The following CPEB2 variants were observed in gnomAD, a reference collection of about 807,000 sequenced individuals.
The protein encoded by CPEB2 is cytoplasmic polyadenylation element binding protein 2.
A neutral mutation model predicts 93.6 loss-of-function variants in CPEB2; 56 were observed. The observed-to-expected ratio is 0.60, with a 90% CI of 0.48 to 0.75. The LOEUF (loss-of-function observed/expected upper bound fraction) is 0.75. CPEB2 is among the 30% of genes least tolerant of loss of function. The pLI, the probability that CPEB2 is intolerant of heterozygous loss-of-function variation, is 0.00. For missense variants in CPEB2, 1,579 were observed against 1,395.1 expected, an observed-to-expected ratio of 1.13 and a Z score of -2.10; for synonymous variants, 764 against 586.3, an observed-to-expected ratio of 1.30 and a Z score of -4.38.
At chr4:15,011,399 C>T (rs1032910163) in intron 3 of CPEB2, among the ~76,000 whole-genome samples, 2 of 152,132 alleles carry the variant, frequency 1.3e-5, no homozygotes, top group African/African-American at 4.8e-5. Context: ...CATGCCTGGC[C>T]AGTATATCTA....
intron 7 of CPEB2, among the ~76,000 whole-genome samples, chr4:15,052,940 C>G (rs1222902361): frequency 6.6e-6 from 1 of 151,824 alleles, no homozygotes; most frequent in African/African-American, 2.4e-5. Flanking sequence ...CACACATACA[C>G]TGAAATAAAT....
In CPEB2 at chr4:15,002,985, G is replaced by T; in HGVS notation, c.312G>T (p.Gln104His). ...QDELLLGLTQ[Q>H]PARPLSGAAA... Reference sequence around the variant, plus strand: ...AGCTGCTTCTGGGGCTGACACAGCAGCCGGCGCGGCCGCTTTCGGGGGCGG... The same window carrying T: ...AGCTGCTTCTGGGGCTGACACAGCATCCGGCGCGGCCGCTTTCGGGGGCGG... Residue 104 changes from glutamine (Q) to histidine (H), a missense_variant, in exon 1 of 12, where the codon CAG becomes CAT. Physicochemically the swap from Gln to His is conservative, Grantham distance 24 (BLOSUM62 0). Coordinates refer to ENST00000538197, the MANE Select transcript of CPEB2 (RefSeq NM_001177382.2). The T allele has an allele frequency of 6.7e-7, 1 of 1,501,734 alleles. No individual in the cohort carries two copies. The highest frequency in any genetic ancestry group is 1.2e-5 in the South Asian group (1 of 80,042). The allele number at this position is 1,501,734 out of a possible 1,614,324, so 93.0% of individuals were successfully genotyped here.
At chr4:15,007,662 G>T in intron 2 of CPEB2, 76 bp downstream of exon 2, 1 of 930,360 alleles carries the variant, frequency 1.1e-6, no homozygotes, top group Non-Finnish European at 1.5e-6. Context: ...GGTGGTAGTG[G>T]TATGCTAAAA....
chr4:15,053,316 A>G (rs1334229549), intron 7 of CPEB2, among the ~76,000 whole-genome samples: 5 of 152,146 alleles, frequency 3.3e-5, no homozygotes, highest in African/African-American at 1.2e-4. Context: ...ATACCCGGCC[A>G]AAAGTTTAAT....
At chr4:15,030,370 T>G (rs924331902) in intron 4 of CPEB2, among the ~76,000 whole-genome samples, 3 of 152,062 alleles carry the variant, frequency 2.0e-5, no homozygotes, top group African/African-American at 7.2e-5. Flanking sequence ...TGGTATAACC[T>G]TGGGCAACTT....
chr4:15,039,380 C>A (rs1207063827), intron 5 of CPEB2, among the ~76,000 whole-genome samples: 9 of 151,944 alleles, frequency 5.9e-5, no homozygotes, highest in Admixed American at 2.0e-4. Context: ...TTCTTTTGAT[C>A]TTTAAGTTTT....
chr4:15,030,173 T>G (rs1441915016), intron 4 of CPEB2, among the ~76,000 whole-genome samples: 1 of 152,096 alleles, frequency 6.6e-6, no homozygotes, highest in African/African-American at 2.4e-5. Flanking sequence ...TTTCTATTTT[T>G]TCTATATTAA....
intron 4 of CPEB2, among the ~76,000 whole-genome samples, chr4:15,023,598 CTTTT>C (rs967103511): frequency 1.2e-4 from 18 of 151,928 alleles, no homozygotes; most frequent in African/African-American, 4.3e-4. Context: ...ACCTGGTTAA[CTTTT>C]TTAAAAAATT....
chr4:15,042,339 A>T (rs1285802769), intron 6 of CPEB2, among the ~76,000 whole-genome samples: 1 of 152,216 alleles, frequency 6.6e-6, no homozygotes, highest in Non-Finnish European at 1.5e-5. Flanking sequence ...TATATTAAGA[A>T]AAAACAAAAT....
intron 6 of CPEB2, among the ~76,000 whole-genome samples, chr4:15,047,533 T>A (rs757083558): frequency 1.3e-5 from 2 of 152,144 alleles, no homozygotes; most frequent in Non-Finnish European, 2.9e-5. Context: ...GGAAATGATA[T>A]TTAAAATTTT....
chr4:15,028,806 A>C (rs1199479064), intron 4 of CPEB2, among the ~76,000 whole-genome samples: 1 of 152,166 alleles, frequency 6.6e-6, no homozygotes, highest in African/African-American at 2.4e-5. Flanking sequence ...AGCAGAGATC[A>C]GTGTAGCAAA....
intron 3 of CPEB2, among the ~76,000 whole-genome samples, chr4:15,016,558 C>T (rs1044853814): frequency 7.2e-5 from 11 of 151,778 alleles, no homozygotes; most frequent in East Asian, 3.9e-4. Flanking sequence ...TGGGGGAGGC[C>T]GGCTTAAAAA....
intron 1 of CPEB2, chr4:15,004,825 T>C (rs1722566904): frequency 6.6e-6 from 1 of 150,710 alleles, no homozygotes; most frequent in Non-Finnish European, 1.5e-5. Context: ...AGAGCGGCCG[T>C]GGGAAGTGAA....
In CPEB2 at chr4:15,059,117, C is replaced by A. The variant is rs575334403; in HGVS notation, c.2581-70C>A. On this transcript the variant is annotated intron_variant, in intron 9 of 11. Coordinates refer to ENST00000538197, the MANE Select transcript of CPEB2 (RefSeq NM_001177382.2). ...CAATAAAAGAATCACTATTAACTGG[C>A]AAAAACAAACAAACAGAAAATTCTC... is the stretch of plus-strand genomic sequence containing the variant. 1.7e-5 allele frequency: 15 copies of A among 886,710 alleles called. 1 individual carries two copies. In the South Asian group the frequency reaches 2.5e-4, roughly 15 times the overall value. 54.9% of individuals were successfully genotyped at this position (886,710 alleles called of 1,614,324 possible).
chr4:15,062,963 A>G (rs902446551), intron 11 of CPEB2, among the ~76,000 whole-genome samples: 28 of 152,092 alleles, frequency 1.8e-4, no homozygotes, highest in Non-Finnish European at 3.5e-4. Flanking sequence ...TTACAAATCT[A>G]TTTTATGCCA....
At position 15,004,337 on chromosome 4, in the gene CPEB2, T is replaced by A. The variant is rs1285664080; in HGVS notation, c.1662+2T>A. Reference sequence around the variant, plus strand: ...AGGAACTCCTATAACCACCACCAGGTACGGCGGGCGGCGGCCTGGCCGCGC... The same window carrying A: ...AGGAACTCCTATAACCACCACCAGGAACGGCGGGCGGCGGCCTGGCCGCGC... On this transcript the variant is annotated splice_donor_variant, in intron 1 of 11. Transcript: ENST00000538197. LOFTEE classifies it high-confidence loss of function. 6.9e-7 allele frequency: 1 copy of A among 1,444,388 alleles called. No individual in the cohort carries two copies. 89.5% of individuals were successfully genotyped at this position (1,444,388 alleles called of 1,614,324 possible). A position where few individuals can be genotyped will look rare whatever the true frequency, so the allele number is the denominator to read the frequency against.
At position 15,068,209 on chromosome 4, in the gene CPEB2, G is replaced by A. The variant is rs920415297; in HGVS notation, c.*1829G>A. ...TGAGCAAAGTGTTGATCTTAATATT[G>A]GTTGTCTGTGGTGTGCTTTTTTGTA... On this transcript the variant is annotated 3_prime_UTR_variant, in exon 12 of 12. Coordinates refer to ENST00000538197, the MANE Select transcript of CPEB2 (RefSeq NM_001177382.2). 80 of 152,188 alleles carry A rather than the reference G, an allele frequency of 5.3e-4. No individual in the cohort carries two copies. The highest frequency in any genetic ancestry group is 1.9e-3 in the African/African-American group (77 of 41,326). 9.4% of individuals were successfully genotyped at this position (152,188 alleles called of 1,614,324 possible). A position where few individuals can be genotyped will look rare whatever the true frequency, so the allele number is the denominator to read the frequency against.
At chr4:15,018,215 A>T (rs773207502) in intron 4 of CPEB2, among the ~76,000 whole-genome samples, 68 of 151,958 alleles carry the variant, frequency 4.5e-4, no homozygotes, top group Non-Finnish European at 8.6e-4. Context: ...ATTCTCTTTC[A>T]AGATTTGGCC....
intron 11 of CPEB2, 36 bp downstream of exon 11, chr4:15,062,296 A>G (rs760621904): frequency 6.5e-7 from 1 of 1,527,892 alleles, no homozygotes; most frequent in Non-Finnish European, 8.9e-7. Context: ...TATGTCCTAT[A>G]ATAAGGTGCT....
Sources: allele counts gnomAD v4.1 joint callset (sites outside exome capture counted in the v4.1 genomes callset), GRCh38; gene constraint gnomAD v4.1.1; transcripts MANE v1.5; gene names NCBI Gene and HGNC (gene_info 2026-07-23, HGNC 2026-07-21).